The following EIF2AK1 variants were observed in gnomAD, a reference collection of about 807,000 sequenced individuals.
EIF2AK1 encodes eukaryotic translation initiation factor 2-alpha kinase 1.
Under a neutral mutation model 77.9 loss-of-function variants are expected in EIF2AK1, and 54 were observed. The observed-to-expected ratio is 0.69, with a 90% CI of 0.56 to 0.87. The LOEUF (loss-of-function observed/expected upper bound fraction) is 0.87. Among genes scored for constraint, EIF2AK1 ranks in the 40% least tolerant of loss-of-function variants. The probability of loss-of-function intolerance (pLI) is 0.00; values close to 1 mark genes in which losing one functional copy is unlikely to be tolerated. For missense variants in EIF2AK1, 810 were observed against 768.6 expected, an observed-to-expected ratio of 1.05 and a Z score of -0.64; for synonymous variants, 314 against 290.5, an observed-to-expected ratio of 1.08 and a Z score of -0.82.
chr7:6,051,195 A>T (rs1387375871), intron 2 of EIF2AK1, among the ~76,000 whole-genome samples: 10 of 152,168 alleles, frequency 6.6e-5, no homozygotes, highest in African/African-American at 2.4e-4. Context: ...CCTTAGAAAA[A>T]GTAAGTTTCC....
chr7:6,053,711 A>G (rs1788672791), intron 2 of EIF2AK1, among the ~76,000 whole-genome samples: 1 of 124,812 alleles, frequency 8.0e-6, no homozygotes, highest in African/African-American at 3.1e-5. Context: ...CTTGTTGCCC[A>G]GGCTGGAGTG....
At position 6,024,454 on chromosome 7, in the gene EIF2AK1, A is replaced by G. The variant is rs1787680007; in HGVS notation, c.*219T>C. On this transcript the variant is annotated 3_prime_UTR_variant, in exon 15 of 15. Coordinates refer to ENST00000199389, the MANE Select transcript of EIF2AK1 (RefSeq NM_014413.4). Reference sequence around the variant, plus strand: ...AATTGAGGATGAGGTCCAAGTTTTTAGTTTCAGAGACTAGGCATATGGTTA... The same window carrying G: ...AATTGAGGATGAGGTCCAAGTTTTTGGTTTCAGAGACTAGGCATATGGTTA... 7.2e-7 allele frequency: 1 copy of G among 1,396,518 alleles called. No individual in the cohort carries two copies. 86.5% of individuals were successfully genotyped at this position (1,396,518 alleles called of 1,614,324 possible). A position where few individuals can be genotyped will look rare whatever the true frequency, so the allele number is the denominator to read the frequency against.
At chr7:6,055,728 C>G (rs1055203963) in intron 1 of EIF2AK1, among the ~76,000 whole-genome samples, 1 of 151,028 alleles carries the variant, frequency 6.6e-6, no homozygotes, top group Non-Finnish European at 1.5e-5. Flanking sequence ...TGCCTGTAAT[C>G]CCAGCACTTT....
rs564862590 is a variant in EIF2AK1, at chr7:6,047,417, G to A, written c.450-326C>T. 9.9e-5 allele frequency among the ~76,000 whole-genome samples: 15 copies of A among 152,272 alleles called. No homozygotes were observed. In the East Asian group the frequency reaches 2.7e-3, roughly 27 times the overall value. On this transcript the variant is annotated intron_variant, in intron 4 of 14. Transcript: ENST00000199389. The stretch of plus-strand genomic sequence containing the variant: ...CAGCTGGGCATGGTGGCTCACGCCT[G>A]TAATCCCAGCACTTTGGGAGGCCGA...
chr7:6,052,032 C>T (rs1244197918), intron 2 of EIF2AK1, among the ~76,000 whole-genome samples: 1 of 151,630 alleles, frequency 6.6e-6, no homozygotes, highest in African/African-American at 2.4e-5. Flanking sequence ...ATCAGCCGGG[C>T]GTGGTGGTGG....
In EIF2AK1 at chr7:6,054,719, G is replaced by A. The variant is rs527908076; in HGVS notation, c.119-15C>T. ...AACATCAGATTCTAAAAATTAAAAA[G>A]GAAAATATTTTTAAATTAATGGTAA... is the stretch of plus-strand genomic sequence containing the variant. On this transcript the variant is annotated splice_polypyrimidine_tract_variant and intron_variant, in intron 1 of 14. Coordinates refer to ENST00000199389, the MANE Select transcript of EIF2AK1 (RefSeq NM_014413.4). The A allele has an allele frequency of 6.2e-7, 1 of 1,604,992 alleles. No homozygotes were observed. The highest frequency in any genetic ancestry group is 1.1e-5 in the South Asian group (1 of 90,582).
Position 6,022,940 on chromosome 7 carries a change from A to T in EIF2AK1, c.*1733T>A, listed in dbSNP as rs887941434. On this transcript the variant is annotated 3_prime_UTR_variant, in exon 15 of 15. Coordinates refer to ENST00000199389, the MANE Select transcript of EIF2AK1 (RefSeq NM_014413.4). ...TCATATCTTAATTGCCCTCAGTCTCACAGAAGGCGATTATGAGGCCAAGAG... is the reference window on the plus strand; with the variant it reads ...TCATATCTTAATTGCCCTCAGTCTCTCAGAAGGCGATTATGAGGCCAAGAG... 8 of 220,416 alleles carry T rather than the reference A, an allele frequency of 3.6e-5. No homozygotes were observed. In the East Asian group the frequency reaches 7.4e-4, roughly 20 times the overall value. The allele number at this position is 220,416 out of a possible 1,614,324, so 13.7% of individuals were successfully genotyped here. A position where few individuals can be genotyped will look rare whatever the true frequency, so the allele number is the denominator to read the frequency against.
intron 2 of EIF2AK1, among the ~76,000 whole-genome samples, chr7:6,050,313 A>G (rs533382746): frequency 3.3e-5 from 5 of 151,544 alleles, no homozygotes; most frequent in South Asian, 2.1e-4. Flanking sequence ...TTCTGCCTCA[A>G]CCTCCCAAGT....
rs750539927 is a variant in EIF2AK1 at position 6,031,345 on chromosome 7, A to G, written c.1333-2313T>C. The stretch of plus-strand genomic sequence containing the variant: ...ACTGAAACTGACCAATTCCATAACA[A>G]CATTTTCCCCTGAAGTCTTAAGTTT... On this transcript the variant is annotated intron_variant, in intron 11 of 14. Coordinates refer to ENST00000199389, the MANE Select transcript of EIF2AK1 (RefSeq NM_014413.4). 4.1e-5 allele frequency: 63 copies of G among 1,536,302 alleles called. No homozygotes were observed. The Middle Eastern group carries it at 8.4e-4, about 20-fold the overall frequency.
At chr7:6,030,727 G>C (rs1000480877) in intron 11 of EIF2AK1, among the ~76,000 whole-genome samples, 2 of 152,112 alleles carry the variant, frequency 1.3e-5, no homozygotes, top group African/African-American at 4.8e-5. Context: ...TTGATCTCTT[G>C]ACCTCATGTT....
At chr7:6,034,510 C>T (rs1452361358) in intron 11 of EIF2AK1, among the ~76,000 whole-genome samples, 2 of 152,076 alleles carry the variant, frequency 1.3e-5, no homozygotes, top group Admixed American at 6.6e-5. Flanking sequence ...ATACTGCATG[C>T]ACTATGTGAG....
chr7:6,028,786 A>C (rs981544774), intron 12 of EIF2AK1, 89 bp from the exon 13 acceptor site: 1 of 1,432,306 alleles, frequency 7.0e-7, no homozygotes, highest in Non-Finnish European at 9.8e-7. Context: ...TGTAGCTCCT[A>C]AGAGAACAAC....
At chr7:6,054,769 T>C (rs532086500) in intron 1 of EIF2AK1, 65 bp from the exon 2 acceptor site, 11 of 1,404,530 alleles carry the variant, frequency 7.8e-6, no homozygotes, top group South Asian at 2.4e-5. Flanking sequence ...GACAAAACCG[T>C]ATATTCTAAT....
intron 11 of EIF2AK1, among the ~76,000 whole-genome samples, chr7:6,034,168 G>C (rs929683154): frequency 6.6e-6 from 1 of 151,824 alleles, no homozygotes; most frequent in Non-Finnish European, 1.5e-5. Context: ...CTAGCCAGGC[G>C]TGGTGGCGGG....
At chr7:6,029,777 G>GT (rs1787851316) in intron 11 of EIF2AK1, among the ~76,000 whole-genome samples, 2 of 152,164 alleles carry the variant, frequency 1.3e-5, no homozygotes, top group East Asian at 3.9e-4. Context: ...GAGGTCAGGA[G>GT]TTCAAGACCA....
intron 1 of EIF2AK1, chr7:6,058,012 A>C: frequency 2.6e-6 from 1 of 379,994 alleles, no homozygotes; most frequent in Non-Finnish European, 5.2e-6. Context: ...ACTTTCATCA[A>C]AATTGTGGAC....
chr7:6,040,520 G>C (rs1226303747), intron 9 of EIF2AK1, among the ~76,000 whole-genome samples: 1 of 152,156 alleles, frequency 6.6e-6, no homozygotes, highest in Non-Finnish European at 1.5e-5. Context: ...CGAATACTGA[G>C]CTGCTAATCC....
rs1463381610 is a variant in EIF2AK1, at chr7:6,046,161, A to G, written c.550-10T>C. 6.9e-7 allele frequency: 1 copy of G among 1,439,562 alleles called. No homozygotes were observed. The highest frequency in any genetic ancestry group is 9.4e-7 in the Non-Finnish European group (1 of 1,058,520). The allele number at this position is 1,439,562 out of a possible 1,614,324, so 89.2% of individuals were successfully genotyped here. On this transcript the variant is annotated splice_polypyrimidine_tract_variant and intron_variant, in intron 5 of 14. Coordinates refer to ENST00000199389, the MANE Select transcript of EIF2AK1 (RefSeq NM_014413.4). The stretch of plus-strand genomic sequence containing the variant: ...CTAATTTATTCCTGACCTGAAAAGT[A>G]GAAAAAAAGACAAAGTATATTGTGT...
At chr7:6,038,217 A>G (rs568600960) in intron 10 of EIF2AK1, among the ~76,000 whole-genome samples, 9 of 152,242 alleles carry the variant, frequency 5.9e-5, no homozygotes, top group African/African-American at 1.9e-4. Flanking sequence ...ATTGCTTGAG[A>G]TCAGGAGTTG....
Sources: allele counts gnomAD v4.1 joint callset (sites outside exome capture counted in the v4.1 genomes callset), GRCh38; gene constraint gnomAD v4.1.1; transcripts MANE v1.5; gene names NCBI Gene and HGNC (gene_info 2026-07-23, HGNC 2026-07-21).